ATE1: variants seen among roughly 807,000 people sequenced by gnomAD.
ATE1 encodes arginyltransferase 1.
A neutral mutation model predicts 70.5 loss-of-function variants in ATE1; 36 were observed. The observed-to-expected ratio is 0.51, with a 90% confidence interval of 0.39 to 0.67. The LOEUF (loss-of-function observed/expected upper bound fraction) is 0.67, where lower values mean the gene tolerates loss of function less well. ATE1 is among the 30% of genes least tolerant of loss of function. The pLI, the probability that ATE1 is intolerant of heterozygous loss-of-function variation, is 0.00. For synonymous variants in ATE1, 232 were observed against 219.3 expected, an observed-to-expected ratio of 1.06 and a Z score of -0.51; for missense variants, 593 against 629.5, an observed-to-expected ratio of 0.94 and a Z score of 0.62.
chr10:121,864,259 A>C (rs1160442727), intron 8 of ATE1, among the ~76,000 whole-genome samples: 1 of 152,194 alleles, frequency 6.6e-6, no homozygotes, highest in Non-Finnish European at 1.5e-5. Context: ...ATAGGGATGA[A>C]ACTGTTCCAA....
At chr10:121,895,922 A>G (rs962416248) in intron 7 of ATE1, among the ~76,000 whole-genome samples, 2 of 146,542 alleles carry the variant, frequency 1.4e-5, no homozygotes, top group Non-Finnish European at 3.1e-5. Context: ...GTCTCCCCCC[A>G]CCAAAAAAAA....
intron 7 of ATE1, among the ~76,000 whole-genome samples, chr10:121,885,524 C>T (rs1295686112): frequency 7.0e-6 from 1 of 142,444 alleles, no homozygotes; most frequent in African/African-American, 2.6e-5. Flanking sequence ...GAGCCAAGAT[C>T]GCGCCATTGC....
intron 7 of ATE1, among the ~76,000 whole-genome samples, chr10:121,877,678 T>G (rs1203557464): frequency 6.6e-6 from 1 of 152,142 alleles, no homozygotes; most frequent in Non-Finnish European, 1.5e-5. Context: ...TATTTAGTCA[T>G]CAGCAAATAG....
intron 7 of ATE1, among the ~76,000 whole-genome samples, chr10:121,897,520 G>A (rs1351101016): frequency 2.0e-5 from 3 of 152,050 alleles, no homozygotes; most frequent in Non-Finnish European, 4.4e-5. Flanking sequence ...TGAATCCTTT[G>A]GAAACCCAGT....
At chr10:121,920,988 C>A (rs548657251) in intron 3 of ATE1, among the ~76,000 whole-genome samples, 2 of 148,854 alleles carry the variant, frequency 1.3e-5, no homozygotes, top group African/African-American at 4.9e-5. Flanking sequence ...TGCGAGACTC[C>A]GTCTCTTTAA....
At position 121,797,192 on chromosome 10, in the gene ATE1, A is replaced by G. The variant is rs375305633; in HGVS notation, c.1258-6903T>C. On this transcript the variant is annotated intron_variant, in intron 10 of 11. Coordinates refer to ENST00000224652, the MANE Select transcript of ATE1 (RefSeq NM_001001976.3). ...ACTTCTAATTAAAACACAGCAAACA[A>G]CACTAAGAGACTTTCCCTCAGTTAA... Among the ~76,000 whole-genome samples, 160 of 152,316 alleles carry G rather than the reference A, an allele frequency of 1.1e-3. 3 individuals are homozygous for G. The highest frequency in any genetic ancestry group is 6.8e-3 in the Middle Eastern group (2 of 294).
chr10:121,860,129 G>T (rs943097896), intron 8 of ATE1, among the ~76,000 whole-genome samples: 4 of 152,120 alleles, frequency 2.6e-5, no homozygotes, highest in Admixed American at 6.5e-5. Context: ...ATGAGAAAAC[G>T]CTATAATACG....
intron 10 of ATE1, among the ~76,000 whole-genome samples, chr10:121,810,702 AT>A (rs944598340): frequency 6.7e-6 from 1 of 149,670 alleles, no homozygotes; most frequent in East Asian, 2.0e-4. Flanking sequence ...CTTAAAACAA[AT>A]TTTTTTTTGT....
At chr10:121,798,988 G>A (rs1376511552) in intron 10 of ATE1, among the ~76,000 whole-genome samples, 1 of 151,298 alleles carries the variant, frequency 6.6e-6, no homozygotes, top group Non-Finnish European at 1.5e-5. Context: ...GTGATGAACT[G>A]AGAGCTAGAC....
At chr10:121,745,096 A>G (rs1056403404) in intron 11 of ATE1, among the ~76,000 whole-genome samples, 2 of 151,554 alleles carry the variant, frequency 1.3e-5, no homozygotes, top group Non-Finnish European at 2.9e-5. Context: ...CAGGTTGCCT[A>G]TGTCTAGATA....
intron 8 of ATE1, among the ~76,000 whole-genome samples, chr10:121,865,516 T>G (rs888355568): frequency 6.6e-6 from 1 of 152,162 alleles, no homozygotes; most frequent in African/African-American, 2.4e-5. Context: ...TTACCCACAT[T>G]TAATTGAAGA....
chr10:121,889,915 G>T (rs1392222813), intron 7 of ATE1, among the ~76,000 whole-genome samples: 1 of 152,096 alleles, frequency 6.6e-6, no homozygotes, highest in Non-Finnish European at 1.5e-5. Context: ...TAAATATTGT[G>T]GTTATATAAG....
intron 11 of ATE1, among the ~76,000 whole-genome samples, chr10:121,763,859 C>T (rs1945161987): frequency 6.6e-6 from 1 of 152,104 alleles, no homozygotes; most frequent in East Asian, 1.9e-4. Context: ...ACTAAAAATA[C>T]AAAAATTAGC....
chr10:121,853,375 A>C (rs1164013059), intron 8 of ATE1, among the ~76,000 whole-genome samples: 5 of 151,760 alleles, frequency 3.3e-5, no homozygotes, highest in African/African-American at 1.2e-4. Context: ...AAAAAAAAAA[A>C]AAAAAACTAA....
At chr10:121,813,350 C>G (rs1039484248) in intron 10 of ATE1, among the ~76,000 whole-genome samples, 10 of 152,190 alleles carry the variant, frequency 6.6e-5, no homozygotes, top group African/African-American at 2.4e-4. Flanking sequence ...CCATCTCAAC[C>G]TTGGGTAAGA....
intron 7 of ATE1, among the ~76,000 whole-genome samples, chr10:121,873,845 ACACT>A (rs1949943960): frequency 6.6e-6 from 1 of 152,170 alleles, no homozygotes; most frequent in Non-Finnish European, 1.5e-5. Flanking sequence ...GAAAAAGGAA[ACACT>A]CAACACCAAA....
At chr10:121,897,491 C>CA (rs1030826188) in intron 7 of ATE1, among the ~76,000 whole-genome samples, 1 of 152,098 alleles carries the variant, frequency 6.6e-6, no homozygotes, top group African/African-American at 2.4e-5. Context: ...CATAGCCTCT[C>CA]AAAACTGAAA....
At chr10:121,911,700 T>G (rs539080143) in intron 4 of ATE1, among the ~76,000 whole-genome samples, 26 of 151,476 alleles carry the variant, frequency 1.7e-4, no homozygotes, top group Non-Finnish European at 3.2e-4. Context: ...GGGAGAAGAG[T>G]TGAACGCCAA....
chr10:121,909,479 C>T (rs1036246183), intron 5 of ATE1, among the ~76,000 whole-genome samples: 2 of 151,806 alleles, frequency 1.3e-5, no homozygotes, highest in Non-Finnish European at 2.9e-5. Context: ...TTCTGAAATA[C>T]AGGATATCAC....
Sources: allele counts gnomAD v4.1 joint callset (sites outside exome capture counted in the v4.1 genomes callset), GRCh38; gene constraint gnomAD v4.1.1; transcripts MANE v1.5; gene names NCBI Gene and HGNC (gene_info 2026-07-23, HGNC 2026-07-21).